GRID2: variants seen among roughly 807,000 people sequenced by gnomAD.
GRID2 encodes glutamate ionotropic receptor delta type subunit 2.
In GRID2, 33 loss-of-function variants were observed where a neutral mutation model predicts 114.8. The observed-to-expected ratio is 0.29, with a 90% CI of 0.22 to 0.38. The LOEUF (loss-of-function observed/expected upper bound fraction) is 0.38. Ranked by LOEUF, GRID2 falls within the 10% of genes least tolerant of loss-of-function variation. The pLI, the probability that GRID2 is intolerant of heterozygous loss-of-function variation, is 1.00. For missense variants in GRID2, 1,184 were observed against 1,257.7 expected, an observed-to-expected ratio of 0.94 and a Z score of 0.89; for synonymous variants, 505 against 449.9, an observed-to-expected ratio of 1.12 and a Z score of -1.55.
intron 1 of GRID2, among the ~76,000 whole-genome samples, chr4:92,356,475 T>G (rs1728329072): frequency 6.6e-6 from 1 of 151,564 alleles, no homozygotes; most frequent in African/African-American, 2.4e-5. Context: ...TGCCCACTGA[T>G]TTATGAGATT....
At chr4:93,334,136 G>T (rs998521375) in intron 8 of GRID2, among the ~76,000 whole-genome samples, 2 of 152,146 alleles carry the variant, frequency 1.3e-5, no homozygotes, top group African/African-American at 2.4e-5. Flanking sequence ...GCTCTTCTAG[G>T]TCACTTTGAT....
At chr4:92,941,754 T>G (rs1422019253) in intron 2 of GRID2, among the ~76,000 whole-genome samples, 3 of 152,162 alleles carry the variant, frequency 2.0e-5, no homozygotes, top group Non-Finnish European at 4.4e-5. Flanking sequence ...GTCCCAGAGA[T>G]TCTCGTATGT....
chr4:92,376,477 G>A, intron 1 of GRID2, among the ~76,000 whole-genome samples: 2 of 152,020 alleles, frequency 1.3e-5, no homozygotes, highest in East Asian at 1.9e-4. Flanking sequence ...GAGTGTCTGT[G>A]GCTTTTCCAG....
At chr4:93,326,709 C>T (rs752983445) in intron 8 of GRID2, among the ~76,000 whole-genome samples, 1 of 151,994 alleles carries the variant, frequency 6.6e-6, no homozygotes. Context: ...CTTTTGATCC[C>T]AGCTATTTTC....
At chr4:92,679,419 C>CT (rs1444620249) in intron 2 of GRID2, among the ~76,000 whole-genome samples, 1 of 152,052 alleles carries the variant, frequency 6.6e-6, no homozygotes, top group Admixed American at 6.6e-5. Context: ...CCATTACCCT[C>CT]TGTCTACTTC....
chr4:93,184,774 C>T (rs941012293), intron 4 of GRID2, among the ~76,000 whole-genome samples: 2 of 152,008 alleles, frequency 1.3e-5, no homozygotes, highest in Admixed American at 1.3e-4. Flanking sequence ...CGCAGATACT[C>T]AGGAGGCTGA....
chr4:92,626,001 A>G (rs976722561), intron 2 of GRID2, among the ~76,000 whole-genome samples: 5 of 152,012 alleles, frequency 3.3e-5, no homozygotes, highest in African/African-American at 1.2e-4. Flanking sequence ...GATTTTTGGC[A>G]TCAGGGAAGT....
intron 8 of GRID2, among the ~76,000 whole-genome samples, chr4:93,336,918 A>G (rs1361039740): frequency 6.6e-6 from 1 of 152,010 alleles, no homozygotes; most frequent in Non-Finnish European, 1.5e-5. Flanking sequence ...TTTCAATTAA[A>G]TAAATTTTAA....
At chr4:93,174,633 A>T (rs1294911665) in intron 4 of GRID2, among the ~76,000 whole-genome samples, 1 of 152,052 alleles carries the variant, frequency 6.6e-6, no homozygotes, top group Non-Finnish European at 1.5e-5. Flanking sequence ...AGAGGAAGAG[A>T]GATTTCTGTT....
At position 93,515,251 on chromosome 4, in the gene GRID2, C is replaced by G; in HGVS notation, c.2033C>G (p.Pro678Arg). 6.2e-7 allele frequency: 1 copy of G among 1,606,164 alleles called. No homozygotes were observed. Among genetic ancestry groups the G allele is most frequent in the Non-Finnish European group, 8.5e-7 (1 of 1,175,220 alleles). The change falls in exon 13 of 16, where the codon CCT becomes CGT. Residue 678 changes from proline (P) to arginine (R), a missense_variant. By Grantham distance (103) the Pro-to-Arg change is moderately radical. This residue lies in a region of GRID2 where 717 missense variants were observed against 796.9 expected (regional missense o/e 0.90). Coordinates refer to ENST00000282020, the MANE Select transcript of GRID2 (RefSeq NM_001510.4). ...GACCTTTCCAAGCAAACAGAAATCC[C>G]TTATGGCACAGTCCTAGACTCTGCG... ...LQDLSKQTEI[P>R]YGTVLDSAVY... is the part of the protein sequence containing the mutation.
chr4:92,480,024 T>C (rs1204802475), intron 1 of GRID2, among the ~76,000 whole-genome samples: 1 of 152,120 alleles, frequency 6.6e-6, no homozygotes, highest in Non-Finnish European at 1.5e-5. Context: ...TAATGAGTAT[T>C]ATTATTATTG....
chr4:93,373,568 T>G (rs1763118774), intron 8 of GRID2, among the ~76,000 whole-genome samples: 1 of 152,186 alleles, frequency 6.6e-6, no homozygotes, highest in Non-Finnish European at 1.5e-5. Context: ...CTTTTTAAAA[T>G]TAATGTATCA....
At chr4:93,405,342 G>C (rs1407319740) in intron 9 of GRID2, among the ~76,000 whole-genome samples, 1 of 152,094 alleles carries the variant, frequency 6.6e-6, no homozygotes, top group Non-Finnish European at 1.5e-5. Context: ...ACAATGGCTT[G>C]ACAATTTCTT....
At chr4:92,951,870 A>T (rs1371872298) in intron 2 of GRID2, among the ~76,000 whole-genome samples, 1 of 152,060 alleles carries the variant, frequency 6.6e-6, no homozygotes, top group Non-Finnish European at 1.5e-5. Context: ...TCTTTTATTA[A>T]TCTTTTATTC....
intron 1 of GRID2, among the ~76,000 whole-genome samples, chr4:92,491,242 A>G (rs1434248545): frequency 6.6e-6 from 1 of 152,186 alleles, no homozygotes; most frequent in Non-Finnish European, 1.5e-5. Context: ...TGAAAAGTCT[A>G]CCACATGCAT....
At chr4:93,053,823 G>A (rs1170623701) in intron 2 of GRID2, among the ~76,000 whole-genome samples, 1 of 151,824 alleles carries the variant, frequency 6.6e-6, no homozygotes, top group African/African-American at 2.4e-5. Context: ...GCAAAGTCAT[G>A]GATGCTTACA....
chr4:92,631,565 T>A (rs1390441477), intron 2 of GRID2, among the ~76,000 whole-genome samples: 1 of 152,152 alleles, frequency 6.6e-6, no homozygotes, highest in Non-Finnish European at 1.5e-5. Context: ...ATTATTTTTT[T>A]AAATTAGAAA....
chr4:93,316,170 T>A (rs934869159), intron 8 of GRID2, among the ~76,000 whole-genome samples: 1 of 149,374 alleles, frequency 6.7e-6, no homozygotes, highest in African/African-American at 2.5e-5. Flanking sequence ...AAAGGGGAGG[T>A]GGAACAGAAA....
chr4:93,354,831 T>A (rs373163300), intron 8 of GRID2, among the ~76,000 whole-genome samples: 18 of 132,530 alleles, frequency 1.4e-4, no homozygotes, highest in Non-Finnish European at 2.6e-4. Flanking sequence ...TATATATATA[T>A]AATATATATA....
Sources: allele counts gnomAD v4.1 joint callset (sites outside exome capture counted in the v4.1 genomes callset), GRCh38; gene constraint gnomAD v4.1.1; regional missense constraint gnomAD v4.1.1; transcripts MANE v1.5; gene names NCBI Gene and HGNC (gene_info 2026-07-23, HGNC 2026-07-21).